Variants in RAPGEF1 observed in about 807,000 individuals in gnomAD.
RAPGEF1 encodes the protein Rap guanine nucleotide exchange factor 1.
In RAPGEF1, 33 loss-of-function variants were observed where a neutral mutation model predicts 143.3. That is an observed-to-expected ratio of 0.23 (90% CI 0.17 to 0.31). RAPGEF1 has a LOEUF of 0.31. Ranked by LOEUF, RAPGEF1 falls within the 10% of genes least tolerant of loss-of-function variation. The pLI, the probability that RAPGEF1 is intolerant of heterozygous loss-of-function variation, is 1.00. For missense variants in RAPGEF1, 1,199 were observed against 1,645.4 expected (o/e 0.73, Z 4.69); for synonymous variants, 629 against 676.5 (o/e 0.93, Z 1.09).
chr9:131,660,040 G>T (rs1456566706), intron 1 of RAPGEF1, among the ~76,000 whole-genome samples: 1 of 152,088 alleles, frequency 6.6e-6, no homozygotes, highest in African/African-American at 2.4e-5. Flanking sequence ...GGATGGTCTC[G>T]ATCTCCTGAC....
rs140327644 is a variant in RAPGEF1, at chr9:131,652,887, A to G, written c.62-1938T>C. 2.6e-5 allele frequency among the ~76,000 whole-genome samples: 4 copies of G among 152,322 alleles called. No individual in the cohort carries two copies. The East Asian group carries it at 7.7e-4, about 29-fold the overall frequency. ...CTGTACATAACCATATGTGCTATAT[A>G]TTTACACCAGCATCACCACAAACAG... On this transcript the variant is annotated intron_variant, in intron 1 of 26. Coordinates refer to ENST00000683357, the MANE Select transcript of RAPGEF1 (RefSeq NM_001377935.1).
At chr9:131,699,016 G>C (rs568695350) in intron 1 of RAPGEF1, among the ~76,000 whole-genome samples, 1 of 152,282 alleles carries the variant, frequency 6.6e-6, no homozygotes, top group Admixed American at 6.5e-5. Context: ...TCCTGGTCTT[G>C]AGCGATGTTT....
At position 131,622,836 on chromosome 9, in the gene RAPGEF1, C is replaced by T. The variant is rs191667455; in HGVS notation, c.1703-838G>A. 3.8e-4 allele frequency among the ~76,000 whole-genome samples: 57 copies of T among 151,516 alleles called. No individual in the cohort carries two copies. The East Asian group carries it at 9.7e-3, about 26-fold the overall frequency. On this transcript the variant is annotated intron_variant, in intron 10 of 26. Transcript: ENST00000683357. ...AGGCTGGAGTGTAGTGGTGCAATCT[C>T]GGCTCACTGCAACCTCCACCTCATG...
At chr9:131,602,521 G>A (rs987382311) in intron 14 of RAPGEF1, among the ~76,000 whole-genome samples, 4 of 152,064 alleles carry the variant, frequency 2.6e-5, no homozygotes, top group African/African-American at 4.8e-5. Flanking sequence ...TAACACCATC[G>A]TCCCCACTCC....
chr9:131,579,494 C>A lies in RAPGEF1; in HGVS notation c.*3G>T. 6.2e-7 allele frequency: 1 copy of A among 1,613,722 alleles called. No homozygotes were observed. Among genetic ancestry groups the A allele is most frequent in the Non-Finnish European group, 8.5e-7 (1 of 1,179,738 alleles). On this transcript the variant is annotated 3_prime_UTR_variant, in exon 27 of 27. Transcript: ENST00000683357. ...GCATTCTCCTGGATCCCGGCGTCTG[C>A]TCCTAGGTCTTCTCTTCCCGGTCTG...
chr9:131,610,605 T>G (rs1011660237), intron 12 of RAPGEF1, among the ~76,000 whole-genome samples: 6 of 152,204 alleles, frequency 3.9e-5, no homozygotes, highest in African/African-American at 1.4e-4. Flanking sequence ...TTTTTATCCC[T>G]CATTTGTGAG....
intron 22 of RAPGEF1, among the ~76,000 whole-genome samples, chr9:131,585,667 T>C (rs1334115135): frequency 1.3e-5 from 2 of 152,004 alleles, no homozygotes; most frequent in African/African-American, 4.8e-5. Context: ...ATGGAGTGCT[T>C]CTGTGGGGAG....
At chr9:131,681,557 G>A (rs1370221479) in intron 1 of RAPGEF1, among the ~76,000 whole-genome samples, 1 of 152,196 alleles carries the variant, frequency 6.6e-6, no homozygotes, top group African/African-American at 2.4e-5. Flanking sequence ...GATTCCTACT[G>A]ACTGGGATGC....
intron 1 of RAPGEF1, among the ~76,000 whole-genome samples, chr9:131,692,092 T>C (rs559917102): frequency 6.6e-6 from 1 of 152,366 alleles, no homozygotes; most frequent in Non-Finnish European, 1.5e-5. Context: ...TTTGGCTTCC[T>C]AGCTTTGAGA....
At chr9:131,732,693 C>T (rs1292731595) in intron 1 of RAPGEF1, among the ~76,000 whole-genome samples, 2 of 152,074 alleles carry the variant, frequency 1.3e-5, no homozygotes, top group African/African-American at 4.8e-5. Flanking sequence ...TCCTAATTGG[C>T]AATTTGAAAC....
In RAPGEF1 at chr9:131,667,994, A is replaced by C. The variant is rs928150340; in HGVS notation, c.62-17045T>G. On this transcript the variant is annotated intron_variant, in intron 1 of 26. Transcript: ENST00000683357. This position sits in a 1 kb window ranked among gnomAD's most constrained non-coding sequence, Gnocchi z 4.6. ...TATACTCCTTTTTGGGATAAATGCC[A>C]CCATCTTCAGTGGACAGCTGTTATT... Among the ~76,000 whole-genome samples the C allele has an allele frequency of 2.6e-5, 4 of 152,198 alleles. No individual in the cohort carries two copies. The highest frequency in any genetic ancestry group is 5.9e-5 in the Non-Finnish European group (4 of 68,022).
intron 1 of RAPGEF1, among the ~76,000 whole-genome samples, chr9:131,708,359 T>C (rs1256460792): frequency 1.3e-5 from 2 of 152,232 alleles, no homozygotes; most frequent in Admixed American, 1.3e-4. Context: ...GCCGGTCTCC[T>C]GGGTCAATAA....
intron 12 of RAPGEF1, among the ~76,000 whole-genome samples, chr9:131,615,117 G>T (rs1369726986): frequency 6.6e-6 from 1 of 152,194 alleles, no homozygotes; most frequent in African/African-American, 2.4e-5. Flanking sequence ...CTGTTGCCCA[G>T]GCTGGAGCGC....
In RAPGEF1 at chr9:131,579,420, C is replaced by A; in HGVS notation, c.*77G>T. The A allele has an allele frequency of 6.5e-7, 1 of 1,537,344 alleles. No homozygotes were observed. The stretch of plus-strand genomic sequence containing the variant: ...GCCGGGACTCCTGCCATGCGCCTAA[C>A]AGGTCCAAGGTCCTCTCCGGTCTGG... On this transcript the variant is annotated 3_prime_UTR_variant, in exon 27 of 27. Transcript: ENST00000683357.
rs1213903398 is a variant in RAPGEF1, at chr9:131,638,757, G to T, written c.529C>A (p.Gln177Lys). 1.9e-6 allele frequency: 3 copies of T among 1,613,900 alleles called. No homozygotes were observed. The highest frequency in any genetic ancestry group is 2.5e-6 in the Non-Finnish European group (3 of 1,179,876). ...ALSSCYSRVYQSLANLIRWSD... is the reference protein window; with the variant it reads ...ALSSCYSRVYKSLANLIRWSD... ...CAGCGAATGAGGTTGGCGAGGCTTT[G>T]GTACACTCGGCTATAGCAGGAAGAG... is the stretch of plus-strand genomic sequence containing the variant. The change falls in exon 5 of 27, where the codon CAA becomes AAA. Residue 177 changes from glutamine (Q) to lysine (K), a missense_variant. By Grantham distance (53) the Gln-to-Lys change is moderately conservative. Coordinates refer to ENST00000683357, the MANE Select transcript of RAPGEF1 (RefSeq NM_001377935.1).
Position 131,695,947 on chromosome 9 carries a change from G to A in RAPGEF1, c.61+43823C>T, listed in dbSNP as rs561157815. ...CTGCAGATTTTATAATGACCTGAAA[G>A]GCAGAGTGGCTGACACAAGCTGGAT... On this transcript the variant is annotated intron_variant, in intron 1 of 26. Coordinates refer to ENST00000683357, the MANE Select transcript of RAPGEF1 (RefSeq NM_001377935.1). 4.6e-5 allele frequency among the ~76,000 whole-genome samples: 7 copies of A among 152,340 alleles called. No individual in the cohort carries two copies. In the South Asian group the frequency reaches 1.4e-3, roughly 32 times the overall value.
At chr9:131,586,372 ACC>A (rs763832560) in intron 22 of RAPGEF1, among the ~76,000 whole-genome samples, 14 of 103,752 alleles carry the variant, frequency 1.3e-4, no homozygotes, top group South Asian at 3.4e-4. Flanking sequence ...ACACACACAC[ACC>A]CACCTGCAGA....
At chr9:131,668,107 A>G (rs985818353) in intron 1 of RAPGEF1, among the ~76,000 whole-genome samples, 2 of 152,216 alleles carry the variant, frequency 1.3e-5, no homozygotes, top group Non-Finnish European at 2.9e-5. Context: ...AGCCCTCGTC[A>G]GGTAAACTTT....
intron 1 of RAPGEF1, among the ~76,000 whole-genome samples, chr9:131,670,711 C>T (rs1253476635): frequency 6.6e-6 from 1 of 152,196 alleles, no homozygotes; most frequent in African/African-American, 2.4e-5. Context: ...TATACACTGG[C>T]TCTCTCGACT....
Sources: gnomAD v4.1 joint callset for allele counts (sites outside exome capture counted in the v4.1 genomes callset) on GRCh38, gnomAD v4.1.1 for gene constraint, Gnocchi (gnomAD v3.1) non-coding constraint, MANE v1.5 for transcripts, NCBI Gene and HGNC (gene_info 2026-07-23, HGNC 2026-07-21) for gene names.